The following TENT4A variants were observed in gnomAD, a reference collection of about 807,000 sequenced individuals.
TENT4A encodes the protein terminal nucleotidyltransferase 4A.
In TENT4A, 7 loss-of-function variants were observed where a neutral mutation model predicts 72.8. The ratio of observed to expected loss-of-function variants is 0.10; its 90% CI spans 0.05 to 0.18. The LOEUF is 0.18. TENT4A is among the 10% of genes least tolerant of loss of function. TENT4A has a pLI of 1.00. For synonymous variants in TENT4A, 456 were observed against 434.3 expected, an observed-to-expected ratio of 1.05 and a Z score of -0.62; for missense variants, 831 against 1,017.7, an observed-to-expected ratio of 0.82 and a Z score of 2.50.
intron 1 of TENT4A, among the ~76,000 whole-genome samples, chr5:6,716,142 C>T (rs912982830): frequency 2.6e-5 from 4 of 152,200 alleles, no homozygotes; most frequent in Non-Finnish European, 4.4e-5. Flanking sequence ...TCCCATGCAC[C>T]TCACTTGGGC....
At chr5:6,727,361 G>T (rs750074356) in intron 1 of TENT4A, among the ~76,000 whole-genome samples, 7 of 152,182 alleles carry the variant, frequency 4.6e-5, no homozygotes, top group Non-Finnish European at 8.8e-5. Context: ...GGAGGCAGTG[G>T]GGCCTTTGCT....
Position 6,739,798 on chromosome 5 carries a change from G to C in TENT4A, c.954G>C (p.Leu318=). 1 of 1,614,214 alleles carries C rather than the reference G, an allele frequency of 6.2e-7. No homozygotes were observed. Among genetic ancestry groups the C allele is most frequent in the South Asian group, 1.1e-5 (1 of 91,088 alleles). Residue 318 remains leucine, a synonymous_variant, in exon 4 of 13, where the codon CTG becomes CTC. Coordinates refer to ENST00000230859, the MANE Select transcript of TENT4A (RefSeq NM_006999.6). ...RPPLQLLEQA[L]RKHNVAEPCS... is the part of the protein sequence containing the mutation. ...CTTTACAGCTGCTGGAGCAAGCCCTGCGGAAGCACAACGTGGCTGAGCCGT... is the reference window on the plus strand; with the variant it reads ...CTTTACAGCTGCTGGAGCAAGCCCTCCGGAAGCACAACGTGGCTGAGCCGT...
chr5:6,714,642 A>G lies in TENT4A; in HGVS notation c.659A>G (p.Gln220Arg). 8.3e-7 allele frequency: 1 copy of G among 1,198,488 alleles called. No homozygotes were observed. Among genetic ancestry groups the G allele is most frequent in the East Asian group, 3.5e-5 (1 of 28,640 alleles). The allele number at this position is 1,198,488 out of a possible 1,614,324, so 74.2% of individuals were successfully genotyped here. A position where few individuals can be genotyped will look rare whatever the true frequency, so the allele number is the denominator to read the frequency against. The change falls in exon 1 of 13, where the codon CAG becomes CGG. Residue 220 changes from glutamine to arginine, a missense_variant. Gln to Arg is a conservative substitution (Grantham distance 43). Transcript: ENST00000230859. ...AGCGGAGGGGGCGGCCCCGGGGCCC[A>G]GGCGCCGCGGCCCGGCACCCCGTGG... ...ALSGGGGPGA[Q>R]APRPGTPWKS...
At position 6,752,940 on chromosome 5, in the gene TENT4A, A is replaced by G. The variant is rs1201804684; in HGVS notation, c.2087A>G (p.Glu696Gly). 1 of 1,614,032 alleles carries G rather than the reference A, an allele frequency of 6.2e-7. No individual in the cohort carries two copies. The highest frequency in any genetic ancestry group is 1.7e-5 in the Admixed American group (1 of 60,000). Residue 696 changes from glutamate (E) to glycine (G), a missense_variant, in exon 12 of 13, where the codon GAA (glutamate) becomes GGA (glycine). Coordinates refer to ENST00000230859, the MANE Select transcript of TENT4A (RefSeq NM_006999.6). ...APVPCRQAGVEGTASLKAVHH... is the reference protein window; with the variant it reads ...APVPCRQAGVGGTASLKAVHH... ...GTTCCTTGCAGACAAGCTGGTGTAG[A>G]AGGAACTGCGTCTTTGAAAGCCGTC...
chr5:6,737,216 T>G (rs910788176), intron 1 of TENT4A, among the ~76,000 whole-genome samples: 1 of 152,248 alleles, frequency 6.6e-6, no homozygotes, highest in Non-Finnish European at 1.5e-5. Flanking sequence ...TGGATGGAAT[T>G]CTCTCATTTT....
At chr5:6,732,934 C>T (rs746971355) in intron 1 of TENT4A, among the ~76,000 whole-genome samples, 6 of 152,190 alleles carry the variant, frequency 3.9e-5, no homozygotes, top group Non-Finnish European at 8.8e-5. Context: ...TACTTCTTTT[C>T]TACACCACAG....
rs1740239926 is a variant in TENT4A at position 6,714,218 on chromosome 5, A to G, written c.235A>G (p.Thr79Ala). ...PAASPPPPGP[T>A]APAALPPALL... ...CGCGTCGCCCCCGCCGCCCGGCCCC[A>G]CCGCGCCCGCCGCGCTGCCCCCCGC... is the stretch of plus-strand genomic sequence containing the variant. The change falls in exon 1 of 13, where the codon ACC becomes GCC. Residue 79 changes from threonine to alanine, a missense_variant. By Grantham distance (58) the Thr-to-Ala change is moderately conservative. Around this residue, in one of 3 missense-constraint regions of TENT4A, gnomAD observed 302 missense variants for 293.8 expected, o/e 1.03. Coordinates refer to ENST00000230859, the MANE Select transcript of TENT4A (RefSeq NM_006999.6). 5 of 972,350 alleles carry G rather than the reference A, an allele frequency of 5.1e-6. No individual in the cohort carries two copies. The highest frequency in any genetic ancestry group is 6.1e-6 in the Non-Finnish European group (5 of 825,580). The allele number at this position is 972,350 out of a possible 1,614,324, so 60.2% of individuals were successfully genotyped here.
chr5:6,750,064 C>T (rs549344453), intron 9 of TENT4A, among the ~76,000 whole-genome samples: 13 of 152,274 alleles, frequency 8.5e-5, no homozygotes, highest in South Asian at 4.1e-4. Flanking sequence ...GCTAAATTTT[C>T]GTAAAAAATA....
chr5:6,713,967 G>T lies in TENT4A; in HGVS notation c.-17G>T, dbSNP rs1314875577. On this transcript the variant is annotated 5_prime_UTR_variant, in exon 1 of 13. Transcript: ENST00000230859. The stretch of plus-strand genomic sequence containing the variant: ...CGGGGCGGGCGGGCGCGCGGGCCCC[G>T]CGGGGGCGGCGCGTGGATGGATCCG... 7.2e-6 allele frequency: 7 copies of T among 968,934 alleles called. No homozygotes were observed. The East Asian group carries it at 7.0e-4, about 97-fold the overall frequency. The allele number at this position is 968,934 out of a possible 1,614,324, so 60.0% of individuals were successfully genotyped here. A position where few individuals can be genotyped will look rare whatever the true frequency, so the allele number is the denominator to read the frequency against.
At chr5:6,741,368 T>A (rs1440787301) in intron 4 of TENT4A, among the ~76,000 whole-genome samples, 1 of 152,144 alleles carries the variant, frequency 6.6e-6, no homozygotes, top group Non-Finnish European at 1.5e-5. Flanking sequence ...CAGTGTTAAC[T>A]CCTCACCTCC....
chr5:6,733,297 T>C lies in TENT4A; in HGVS notation c.717-4213T>C, dbSNP rs536279543. 3.2e-4 allele frequency among the ~76,000 whole-genome samples: 49 copies of C among 152,344 alleles called. No individual in the cohort carries two copies. In the South Asian group the frequency reaches 3.7e-3, roughly 12 times the overall value. On this transcript the variant is annotated intron_variant, in intron 1 of 12. Transcript: ENST00000230859. Reference sequence around the variant, plus strand: ...TGCAGGGGAGGATGGTCAGGCCGCCTCTTGGCTGGCACTGCTTCCCGGCGT... The same window carrying C: ...TGCAGGGGAGGATGGTCAGGCCGCCCCTTGGCTGGCACTGCTTCCCGGCGT...
At chr5:6,754,195 A>G (rs1449186098) in intron 12 of TENT4A, among the ~76,000 whole-genome samples, 1 of 152,114 alleles carries the variant, frequency 6.6e-6, no homozygotes, top group Non-Finnish European at 1.5e-5. Flanking sequence ...TGGAGACAGA[A>G]TCTCACTCCA....
rs1382692031 is a variant in TENT4A at position 6,746,327 on chromosome 5, C to T, written c.1359C>T (p.Ile453=). The part of the protein sequence containing the change: ...NFNYLKTGIR[I]KEGGAYIAKE... Reference sequence around the variant, plus strand: ...ATTACTTGAAAACCGGTATTAGAATCAAAGAAGGAGGTGCCTATATCGCCA... The same window carrying T: ...ATTACTTGAAAACCGGTATTAGAATTAAAGAAGGAGGTGCCTATATCGCCA... Residue 453 remains isoleucine (I), a synonymous_variant, in exon 7 of 13, where the codon ATC becomes ATT. Coordinates refer to ENST00000230859, the MANE Select transcript of TENT4A (RefSeq NM_006999.6). The T allele has an allele frequency of 1.2e-6, 2 of 1,614,008 alleles. No individual in the cohort carries two copies. Among genetic ancestry groups the T allele is most frequent in the African/African-American group, 2.7e-5 (2 of 74,918 alleles).
chr5:6,745,662 C>G (rs891552050), intron 6 of TENT4A, among the ~76,000 whole-genome samples: 11 of 152,208 alleles, frequency 7.2e-5, no homozygotes, highest in African/African-American at 2.7e-4. Context: ...GACGATATGG[C>G]ACTGAACTGA....
At position 6,746,364 on chromosome 5, in the gene TENT4A, A is replaced by G. The variant is rs1742095263; in HGVS notation, c.1396A>G (p.Met466Val). 6.2e-7 allele frequency: 1 copy of G among 1,614,194 alleles called. No individual in the cohort carries two copies. Among genetic ancestry groups the G allele is most frequent in the East Asian group, 2.2e-5 (1 of 44,884 alleles). The part of the protein sequence containing the change: ...GGAYIAKEEI[M>V]KAMTSGYRPS... ...TGCCTATATCGCCAAAGAGGAGATCATGAAAGCCATGACCAGCGGGTACAG... is the reference window on the plus strand; with the variant it reads ...TGCCTATATCGCCAAAGAGGAGATCGTGAAAGCCATGACCAGCGGGTACAG... Residue 466 changes from methionine (M) to valine (V), a missense_variant, in exon 7 of 13, where the codon ATG (methionine) becomes GTG (valine). Physicochemically the swap from Met to Val is conservative, Grantham distance 21 (BLOSUM62 1). Transcript: ENST00000230859.
intron 1 of TENT4A, among the ~76,000 whole-genome samples, chr5:6,731,364 A>C (rs274697): frequency 0.38 from 57,872 of 151,854 alleles, 11,170 homozygotes; most frequent in South Asian, 0.5. Flanking sequence ...TTTTCCCTAG[A>C]ATTCAGGATT....
Position 6,734,098 on chromosome 5 carries a change from C to T in TENT4A, c.717-3412C>T, listed in dbSNP as rs149755110. Among the ~76,000 whole-genome samples the T allele has an allele frequency of 4.3e-4, 65 of 152,326 alleles. No individual in the cohort carries two copies. The East Asian group carries it at 0.011, about 25-fold the overall frequency. On this transcript the variant is annotated intron_variant, in intron 1 of 12. Transcript: ENST00000230859. ...TTGATTGATTCCATGCACAGGCAAG[C>T]GCTGTTCTGGGCACCGGAGACGGAG... is the stretch of plus-strand genomic sequence containing the variant.
chr5:6,726,198 C>T (rs573714686), intron 1 of TENT4A, among the ~76,000 whole-genome samples: 1 of 152,302 alleles, frequency 6.6e-6, no homozygotes, highest in South Asian at 2.1e-4. Context: ...ATTAAGTCTT[C>T]ATGACAGCAC....
intron 1 of TENT4A, among the ~76,000 whole-genome samples, chr5:6,731,667 A>T (rs1412426424): frequency 6.6e-6 from 1 of 151,940 alleles, no homozygotes; most frequent in Non-Finnish European, 1.5e-5. Flanking sequence ...CAGCCTCCTG[A>T]CTAGCTGGAC....
Sources: gnomAD v4.1 joint callset for allele counts (sites outside exome capture counted in the v4.1 genomes callset) on GRCh38, gnomAD v4.1.1 for gene constraint, gnomAD v4.1.1 regional missense constraint, MANE v1.5 for transcripts, NCBI Gene and HGNC (gene_info 2026-07-23, HGNC 2026-07-21) for gene names.